Variants in WDPCP observed in about 807,000 individuals in gnomAD.
The protein encoded by WDPCP is WD repeat-containing and planar cell polarity effector protein fritz homolog.
A neutral mutation model predicts 93.1 loss-of-function variants in WDPCP; 71 were observed. The ratio of observed to expected loss-of-function variants is 0.76; its 90% CI spans 0.63 to 0.93. WDPCP has a LOEUF of 0.93. WDPCP is among the 40% of genes least tolerant of loss of function. The pLI is 0.00. For missense variants in WDPCP, 844 were observed against 887.4 expected, an observed-to-expected ratio of 0.95 and a Z score of 0.62; for synonymous variants, 315 against 315.0, an observed-to-expected ratio of 1.00 and a Z score of 0.00.
intron 2 of WDPCP, among the ~76,000 whole-genome samples, chr2:63,660,291 A>T (rs1270785149): frequency 6.6e-6 from 1 of 152,220 alleles, no homozygotes; most frequent in Admixed American, 6.5e-5. Flanking sequence ...GGTAAATCTA[A>T]GCTCCACCCT....
chr2:63,780,960 C>T (rs966472710), intron 2 of WDPCP, among the ~76,000 whole-genome samples: 1 of 152,134 alleles, frequency 6.6e-6, no homozygotes, highest in Admixed American at 6.5e-5. Context: ...TTTTGCATTC[C>T]TCCCTCACCA....
intron 14 of WDPCP, chr2:63,232,820 G>A: frequency 6.4e-6 from 1 of 157,368 alleles, no homozygotes; most frequent in East Asian, 1.9e-4. Context: ...ACTAGCACCT[G>A]CATGCTCTTT....
chr2:63,423,223 G>A (rs1337746227), intron 9 of WDPCP, among the ~76,000 whole-genome samples: 2 of 152,138 alleles, frequency 1.3e-5, no homozygotes, highest in African/African-American at 4.8e-5. Context: ...TAATAAAGAG[G>A]TTTCTTTAAA....
At chr2:63,755,899 G>A (rs898115656) in intron 2 of WDPCP, among the ~76,000 whole-genome samples, 7 of 152,206 alleles carry the variant, frequency 4.6e-5, no homozygotes, top group African/African-American at 1.7e-4. Context: ...AATCTCCCCT[G>A]CAGAAATGTT....
intron 14 of WDPCP, among the ~76,000 whole-genome samples, chr2:63,185,629 A>C (rs1390730871): frequency 2.6e-5 from 4 of 152,178 alleles, no homozygotes; most frequent in Non-Finnish European, 4.4e-5. Flanking sequence ...CAAGGAGCTC[A>C]TCTCATTCAT....
intron 13 of WDPCP, among the ~76,000 whole-genome samples, chr2:63,301,552 A>T (rs1380648284): frequency 6.6e-6 from 1 of 152,188 alleles, no homozygotes; most frequent in Non-Finnish European, 1.5e-5. Context: ...GGTCACACAA[A>T]TCTAGGAAGT....
intron 6 of WDPCP, among the ~76,000 whole-genome samples, chr2:63,457,596 A>T (rs778471325): frequency 4.2e-4 from 64 of 152,228 alleles, no homozygotes; most frequent in Admixed American, 2.0e-4. Flanking sequence ...ACATCAAATG[A>T]TAATATATCA....
At position 63,399,831 on chromosome 2, in the gene WDPCP, G is replaced by T. The variant is rs547366934; in HGVS notation, c.1435+4217C>A. Among the ~76,000 whole-genome samples, 241 of 152,066 alleles carry T rather than the reference G, an allele frequency of 1.6e-3. 2 individuals are homozygous for T. The highest frequency in any genetic ancestry group is 5.3e-3 in the African/African-American group (221 of 41,458). The stretch of plus-strand genomic sequence containing the variant: ...TTTTCTTGAACAATATTAACATTAT[G>T]AATAGATTTAGCTGCATTTTTATTA... On this transcript the variant is annotated intron_variant, in intron 10 of 17. Coordinates refer to ENST00000272321, the MANE Select transcript of WDPCP (RefSeq NM_015910.7).
At chr2:63,297,385 G>C (rs1487926185) in intron 13 of WDPCP, among the ~76,000 whole-genome samples, 2 of 152,118 alleles carry the variant, frequency 1.3e-5, no homozygotes, top group Admixed American at 1.3e-4. Context: ...ATTCTTGTAA[G>C]ACAACAGGAT....
chr2:63,311,163 T>C lies in WDPCP; in HGVS notation c.1812+2085A>G, dbSNP rs562205942. Among the ~76,000 whole-genome samples the C allele has an allele frequency of 6.6e-5, 10 of 152,320 alleles. No homozygotes were observed. The South Asian group carries it at 2.1e-3, about 32-fold the overall frequency. Reference sequence around the variant, plus strand: ...TATTTTCAGGTTAACTGATACACCTTTGTGTGATCCCATTGTGATTCATAT... The same window carrying C: ...TATTTTCAGGTTAACTGATACACCTCTGTGTGATCCCATTGTGATTCATAT... On this transcript the variant is annotated intron_variant, in intron 13 of 17. Transcript: ENST00000272321.
intron 2 of WDPCP, among the ~76,000 whole-genome samples, chr2:63,492,143 G>T (rs1360499234): frequency 6.6e-6 from 1 of 152,004 alleles, no homozygotes. Flanking sequence ...ACTTTGTAAG[G>T]TAAATCATTT....
chr2:63,330,777 C>T (rs1687917559), intron 12 of WDPCP, among the ~76,000 whole-genome samples: 1 of 151,628 alleles, frequency 6.6e-6, no homozygotes, highest in Non-Finnish European at 1.5e-5. Context: ...AGAGAAGCAT[C>T]CCTCTTAGAA....
At chr2:63,793,277 G>C (rs1670568886) in intron 2 of WDPCP, among the ~76,000 whole-genome samples, 2 of 151,950 alleles carry the variant, frequency 1.3e-5, no homozygotes, top group Admixed American at 6.6e-5. Flanking sequence ...TGAGCTTCTT[G>C]ATTCTTTTTA....
chr2:63,458,550 T>G (rs1027760580), intron 6 of WDPCP, among the ~76,000 whole-genome samples: 6 of 152,106 alleles, frequency 3.9e-5, no homozygotes, highest in Admixed American at 3.9e-4. Flanking sequence ...GAAAGATCTC[T>G]ACAAGAAAAA....
intron 1 of WDPCP, among the ~76,000 whole-genome samples, chr2:63,534,943 A>G (rs1704163832): frequency 6.6e-6 from 1 of 152,202 alleles, no homozygotes; most frequent in African/African-American, 2.4e-5. Context: ...AGATGACACG[A>G]TTGTATATTT....
chr2:63,455,115 A>T lies in WDPCP; in HGVS notation c.385-15244T>A, dbSNP rs189565029. On this transcript the variant is annotated intron_variant, in intron 6 of 17. Coordinates refer to ENST00000272321, the MANE Select transcript of WDPCP (RefSeq NM_015910.7). ...CATCAAAACACATGAAAATATAAAA[A>T]TCATTGGTAATACAAATACACAAAT... is the stretch of plus-strand genomic sequence containing the variant. Among the ~76,000 whole-genome samples, 718 of 152,202 alleles carry T rather than the reference A, an allele frequency of 4.7e-3. 5 individuals carry two copies. Among genetic ancestry groups the T allele is most frequent in the South Asian group, 8.1e-3 (39 of 4,814 alleles).
At chr2:63,597,408 C>T in intron 3 of WDPCP, 8 of 1,430,994 alleles carry the variant, frequency 5.6e-6, no homozygotes, top group Non-Finnish European at 7.4e-6. Context: ...GATGTCATCG[C>T]AACAGATAAA....
chr2:63,547,582 C>A (rs76891543), intron 1 of WDPCP, among the ~76,000 whole-genome samples: 1 of 89,818 alleles, frequency 1.1e-5, no homozygotes, highest in Non-Finnish European at 2.4e-5. Flanking sequence ...CACACATACA[C>A]ACACAGACAC....
At chr2:63,553,621 A>G (rs772004457) in intron 1 of WDPCP, among the ~76,000 whole-genome samples, 1 of 152,058 alleles carries the variant, frequency 6.6e-6, no homozygotes, top group African/African-American at 2.4e-5. Flanking sequence ...CTTTACATCA[A>G]TCTGATGCTT....
Sources: allele counts gnomAD v4.1 joint callset (sites outside exome capture counted in the v4.1 genomes callset), GRCh38; gene constraint gnomAD v4.1.1; transcripts MANE v1.5; gene names NCBI Gene and HGNC (gene_info 2026-07-23, HGNC 2026-07-21).